The following PBRM1 variants were observed in gnomAD, a reference collection of about 807,000 sequenced individuals.
PBRM1 encodes protein polybromo-1.
Under a neutral mutation model 194.5 loss-of-function variants are expected in PBRM1, and 27 were observed. The ratio of observed to expected loss-of-function variants is 0.14; its 90% CI spans 0.10 to 0.19. The LOEUF (loss-of-function observed/expected upper bound fraction) is 0.19, where lower values mean the gene tolerates loss of function less well. Ranked by LOEUF, PBRM1 falls within the 10% of genes least tolerant of loss-of-function variation. The pLI, the probability that PBRM1 is intolerant of heterozygous loss-of-function variation, is 1.00. For synonymous variants in PBRM1, 655 were observed against 693.2 expected (o/e 0.94, Z 0.87); for missense variants, 1,466 against 2,077.2 (o/e 0.71, Z 5.72).
At chr3:52,616,558 T>C (rs2094963919) in intron 14 of PBRM1, among the ~76,000 whole-genome samples, 1 of 152,108 alleles carries the variant, frequency 6.6e-6, no homozygotes, top group South Asian at 2.1e-4. Flanking sequence ...CTGGGCGTGG[T>C]GGTGGGCACC....
At chr3:52,581,500 C>CAAA (rs1286694923) in intron 20 of PBRM1, among the ~76,000 whole-genome samples, 1 of 73,902 alleles carries the variant, frequency 1.4e-5, no homozygotes, top group Non-Finnish European at 2.8e-5. Flanking sequence ...GACTCTGTCT[C>CAAA]AAAAAAAAAA....
At chr3:52,616,826 T>C (rs2153480719) in intron 14 of PBRM1, among the ~76,000 whole-genome samples, 1 of 152,342 alleles carries the variant, frequency 6.6e-6, no homozygotes, top group Admixed American at 6.5e-5. Flanking sequence ...AGTATGGTCG[T>C]TGAGGATCGT....
intron 11 of PBRM1, among the ~76,000 whole-genome samples, chr3:52,631,972 C>T (rs1214974253): frequency 6.6e-6 from 1 of 152,078 alleles, no homozygotes; most frequent in Non-Finnish European, 1.5e-5. Context: ...GGTTAACTTT[C>T]CTTAAAGATA....
At chr3:52,611,401 G>C (rs1034444599) in intron 15 of PBRM1, among the ~76,000 whole-genome samples, 4 of 152,194 alleles carry the variant, frequency 2.6e-5, no homozygotes, top group African/African-American at 4.8e-5. Context: ...TATGAAGTCG[G>C]TTTTTCTGCC....
In PBRM1 at chr3:52,609,199, A is replaced by G; in HGVS notation, c.2567+114T>C. The G allele has an allele frequency of 1.2e-6, 1 of 814,330 alleles. No individual in the cohort carries two copies. Among genetic ancestry groups the G allele is most frequent in the Non-Finnish European group, 1.9e-6 (1 of 515,826 alleles). The allele number at this position is 814,330 out of a possible 1,614,324, so 50.4% of individuals were successfully genotyped here. On this transcript the variant is annotated intron_variant, in intron 16 of 29. Coordinates refer to ENST00000296302, the Ensembl canonical transcript of PBRM1. The surrounding 1 kb of genome is among the most constrained non-coding windows in gnomAD (Gnocchi z 4.1). ...TGATTAGAATTCAGAATAGCATGCTACCAACTACAAATCATGTATGTAAGT... is the reference window on the plus strand; with the variant it reads ...TGATTAGAATTCAGAATAGCATGCTGCCAACTACAAATCATGTATGTAAGT...
At chr3:52,672,013 C>A (rs2154008400) in intron 2 of PBRM1, among the ~76,000 whole-genome samples, 1 of 152,264 alleles carries the variant, frequency 6.6e-6, no homozygotes, top group East Asian at 1.9e-4. Context: ...AAAACAAAAC[C>A]CATTTATTAT....
intron 16 of PBRM1, among the ~76,000 whole-genome samples, chr3:52,605,273 C>T (rs572296724): frequency 1.2e-4 from 18 of 151,944 alleles, no homozygotes; most frequent in African/African-American, 4.3e-4. Context: ...GTCTCGAACT[C>T]CTGGCCTCGA....
At chr3:52,567,017 C>A (rs1032174357) in intron 22 of PBRM1, among the ~76,000 whole-genome samples, 1 of 146,744 alleles carries the variant, frequency 6.8e-6, no homozygotes, top group Non-Finnish European at 1.5e-5. Flanking sequence ...TGCAGGGAGC[C>A]GAGACTGTGC....
intron 12 of PBRM1, among the ~76,000 whole-genome samples, chr3:52,628,496 G>T (rs2095516962): frequency 6.8e-6 from 1 of 146,636 alleles, no homozygotes; most frequent in South Asian, 2.1e-4. Flanking sequence ...TTTGAGACAG[G>T]GTCTCACTTG....
chr3:52,676,277 C>T (rs978075721), intron 2 of PBRM1, among the ~76,000 whole-genome samples: 1 of 152,104 alleles, frequency 6.6e-6, no homozygotes, highest in Non-Finnish European at 1.5e-5. Context: ...TTGGCTGTAT[C>T]CCCATTCAAA....
In PBRM1 at chr3:52,635,071, G is replaced by A. The variant is rs556309105; in HGVS notation, c.1088-256C>T. On this transcript the variant is annotated intron_variant, in intron 10 of 29. Transcript: ENST00000296302. ...CTCCCGAGTAGCTAAGAAGACAGGT[G>A]CACACCATCACACCCAGCTAATTTT... Among the ~76,000 whole-genome samples the A allele has an allele frequency of 7.9e-5, 12 of 152,124 alleles. No homozygotes were observed. The South Asian group carries it at 2.3e-3, about 29-fold the overall frequency.
At chr3:52,658,582 A>G (rs887950403) in intron 4 of PBRM1, among the ~76,000 whole-genome samples, 4 of 151,922 alleles carry the variant, frequency 2.6e-5, no homozygotes, top group African/African-American at 9.7e-5. Context: ...TTTAGTAGAG[A>G]CGGGGTTTCA....
intron 20 of PBRM1, among the ~76,000 whole-genome samples, chr3:52,583,404 A>G (rs2091773612): frequency 1.3e-5 from 2 of 151,766 alleles, no homozygotes; most frequent in African/African-American, 4.8e-5. Context: ...GTGAGACTCC[A>G]TCTAAAAAAA....
At chr3:52,670,978 C>T (rs2096935022) in intron 2 of PBRM1, among the ~76,000 whole-genome samples, 1 of 152,216 alleles carries the variant, frequency 6.6e-6, no homozygotes, top group African/African-American at 2.4e-5. Flanking sequence ...AAGTCATGTC[C>T]TTAACATTCA....
intron 25 of PBRM1, chr3:52,560,539 T>C (rs2083271315): frequency 6.6e-6 from 1 of 152,344 alleles, no homozygotes; most frequent in Admixed American, 6.5e-5. Flanking sequence ...TATTTACTGG[T>C]GGTCTTAAAG....
At chr3:52,657,958 A>AT (rs1224919638) in intron 5 of PBRM1, among the ~76,000 whole-genome samples, 4 of 151,116 alleles carry the variant, frequency 2.6e-5, no homozygotes, top group Non-Finnish European at 5.9e-5. Flanking sequence ...CACCCAGCTA[A>AT]TTTTTTGTAT....
chr3:52,664,526 G>A (rs572418640), intron 3 of PBRM1, among the ~76,000 whole-genome samples: 35 of 151,596 alleles, frequency 2.3e-4, no homozygotes, highest in Non-Finnish European at 4.7e-4. Flanking sequence ...ACCTGAGGTC[G>A]GGAGTTCAAG....
rs188078156 is a variant in PBRM1 at position 52,648,033 on chromosome 3, C to T, written c.813+311G>A. ...AACCGACTCTCCTACCTCAGCCTCC[C>T]GATTGGCTGGGATTACAGGCGCCTG... On this transcript the variant is annotated intron_variant, in intron 7 of 29. Transcript: ENST00000296302. 3.7e-3 allele frequency among the ~76,000 whole-genome samples: 558 copies of T among 152,138 alleles called. 3 individuals are homozygous for T. The highest frequency in any genetic ancestry group is 5.8e-3 in the Non-Finnish European group (395 of 68,004).
chr3:52,641,705 G>A (rs558123564), intron 10 of PBRM1, among the ~76,000 whole-genome samples: 24 of 152,170 alleles, frequency 1.6e-4, no homozygotes, highest in African/African-American at 5.5e-4. Context: ...ATCATTATAG[G>A]TTTTAAACCA....
Sources: allele counts gnomAD v4.1 joint callset (sites outside exome capture counted in the v4.1 genomes callset), GRCh38; gene constraint gnomAD v4.1.1; non-coding constraint Gnocchi (gnomAD v3.1); transcripts MANE v1.5; gene names NCBI Gene and HGNC (gene_info 2026-07-23, HGNC 2026-07-21).